ZNF30: variants seen among roughly 807,000 people sequenced by gnomAD.
ZNF30 encodes zinc finger protein 30.
Under a neutral mutation model 13.2 loss-of-function variants are expected in ZNF30, and 15 were observed. That is an observed-to-expected ratio of 1.13 (90% CI 0.76 to 1.75). The LOEUF (loss-of-function observed/expected upper bound fraction) is 1.75, where lower values mean the gene tolerates loss of function less well. Ranked by LOEUF, ZNF30 falls within the 40% of genes most tolerant of loss-of-function variation. ZNF30 has a pLI of 0.00. For missense variants in ZNF30, 726 were observed against 757.0 expected (o/e 0.96, Z 0.48); for synonymous variants, 223 against 256.6 (o/e 0.87, Z 1.25).
At chr19:34,939,143 TC>T (rs138607148) in intron 4 of ZNF30, among the ~76,000 whole-genome samples, 7,484 of 31,608 alleles carry the variant, frequency 0.24, 200 homozygotes, top group African/African-American at 0.28. Flanking sequence ...TCCCCTCCCC[TC>T]CCCTCCCCTC....
intron 4 of ZNF30, among the ~76,000 whole-genome samples, chr19:34,941,501 G>C (rs527680467): frequency 1.3e-5 from 2 of 152,334 alleles, no homozygotes; most frequent in Admixed American, 1.3e-4. Flanking sequence ...CTGACTTCAT[G>C]ATCTGCCCAC....
At chr19:34,928,256 G>GATATATATAT (rs1166347710) in intron 1 of ZNF30, among the ~76,000 whole-genome samples, 1 of 43,914 alleles carries the variant, frequency 2.3e-5, no homozygotes, top group Admixed American at 2.2e-4. Context: ...TATATATATA[G>GATATATATAT]ATAGATAGAT....
intron 4 of ZNF30, chr19:34,942,723 C>A: frequency 1.2e-6 from 1 of 855,434 alleles, no homozygotes; most frequent in Non-Finnish European, 1.7e-6. Context: ...GAAATTAGGT[C>A]AGTATGGGAC....
intron 4 of ZNF30, among the ~76,000 whole-genome samples, chr19:34,941,343 C>T (rs2013038005): frequency 6.6e-6 from 1 of 152,232 alleles, no homozygotes; most frequent in Admixed American, 6.5e-5. Flanking sequence ...TGGCTTACTG[C>T]AGCCTCTGCC....
intron 2 of ZNF30, among the ~76,000 whole-genome samples, chr19:34,930,868 A>G (rs1032664978): frequency 2.6e-5 from 4 of 152,056 alleles, no homozygotes; most frequent in Non-Finnish European, 2.9e-5. Context: ...GTCTCAAAAA[A>G]AAATTTAAAA....
intron 4 of ZNF30, chr19:34,942,666 A>T (rs1412009421): frequency 7.8e-7 from 1 of 1,288,194 alleles, no homozygotes; most frequent in Non-Finnish European, 1.0e-6. Flanking sequence ...TGCACATGGA[A>T]CCAAAAGGTG....
chr19:34,927,478 AT>A (rs1378291345), intron 1 of ZNF30, among the ~76,000 whole-genome samples: 2 of 152,246 alleles, frequency 1.3e-5, no homozygotes, highest in South Asian at 2.1e-4. Context: ...GCGGGAAGAA[AT>A]GGGATTGCCA....
intron 4 of ZNF30, chr19:34,942,551 C>A: frequency 9.6e-7 from 1 of 1,043,768 alleles, no homozygotes; most frequent in Non-Finnish European, 1.3e-6. Context: ...TAGCAGTTTA[C>A]CATATTCCTG....
In ZNF30 at chr19:34,940,052, T is replaced by TTC. The variant is rs2012955312; in HGVS notation, c.257-3171_257-3170insTC. ...TCTTTTGAAGGCCTTTAAGAAAGACTAAATGTCATGAAATACTAATTCTTA... is the reference window on the plus strand; with the variant it reads ...TCTTTTGAAGGCCTTTAAGAAAGACTTCAAATGTCATGAAATACTAATTCTTA... On this transcript the variant is annotated intron_variant, in intron 4 of 4. Transcript: ENST00000601142. Among the ~76,000 whole-genome samples, 3 of 152,248 alleles carry TTC rather than the reference T, an allele frequency of 2.0e-5. No individual in the cohort carries two copies. In the East Asian group the frequency reaches 5.8e-4, roughly 29 times the overall value.
At chr19:34,936,834 T>TGCA (rs1568540254) in intron 4 of ZNF30, among the ~76,000 whole-genome samples, 1 of 152,066 alleles carries the variant, frequency 6.6e-6, no homozygotes, top group East Asian at 1.9e-4. Context: ...AAGTCAAGGC[T>TGCA]GCAGTGAGCT....
At chr19:34,940,194 T>A (rs2012964208) in intron 4 of ZNF30, among the ~76,000 whole-genome samples, 1 of 152,196 alleles carries the variant, frequency 6.6e-6, no homozygotes, top group Admixed American at 6.5e-5. Context: ...CTCAGTTTTC[T>A]TTAACACAGA....
intron 4 of ZNF30, among the ~76,000 whole-genome samples, chr19:34,934,238 G>A (rs1335877285): frequency 6.6e-6 from 1 of 152,116 alleles, no homozygotes; most frequent in African/African-American, 2.4e-5. Flanking sequence ...AAAAGCTAGA[G>A]TGCTAGCAGG....
At chr19:34,935,982 CAG>C (rs1257471648) in intron 4 of ZNF30, among the ~76,000 whole-genome samples, 1 of 152,192 alleles carries the variant, frequency 6.6e-6, no homozygotes, top group Non-Finnish European at 1.5e-5. Flanking sequence ...GGCCAAGTGA[CAG>C]GGGTTTCCCC....
At chr19:34,928,254 TAGATAG>T (rs1392387694) in intron 1 of ZNF30, among the ~76,000 whole-genome samples, 594 of 48,848 alleles carry the variant, frequency 0.012, 4 homozygotes, top group Middle Eastern at 0.016. Context: ...TATATATATA[TAGATAG>T]ATAGATAGAT....
chr19:34,926,161 G>C (rs1238956917), upstream of ZNF30, among the ~76,000 whole-genome samples: 1 of 152,166 alleles, frequency 6.6e-6, no homozygotes, highest in East Asian at 1.9e-4. Context: ...GCGACAGAGG[G>C]AGACCCTGTC....
chr19:34,934,027 T>C (rs1216061559), intron 4 of ZNF30, among the ~76,000 whole-genome samples: 1 of 152,142 alleles, frequency 6.6e-6, no homozygotes, highest in Non-Finnish European at 1.5e-5. Context: ...CCTCCTCTTT[T>C]ACATTTGGAT....
chr19:34,925,899 G>A (rs1035573218), upstream of ZNF30, among the ~76,000 whole-genome samples: 2 of 152,066 alleles, frequency 1.3e-5, no homozygotes, highest in East Asian at 3.9e-4. Context: ...TCGGCTGGCC[G>A]CGGTGGCTCA....
chr19:34,938,039 A>G (rs6510453), intron 4 of ZNF30, among the ~76,000 whole-genome samples: 64,763 of 151,828 alleles, frequency 0.43, 15,455 homozygotes, highest in African/African-American at 0.66. Flanking sequence ...CAGGTGATCC[A>G]CCCACCTCGG....
intron 3 of ZNF30, 84 bp downstream of exon 3, chr19:34,932,077 T>A: frequency 8.2e-7 from 1 of 1,221,634 alleles, no homozygotes. Flanking sequence ...GCTTAAGAAC[T>A]GAACACGATT....
Sources: allele counts gnomAD v4.1 joint callset (sites outside exome capture counted in the v4.1 genomes callset), GRCh38; gene constraint gnomAD v4.1.1; transcripts MANE v1.5; gene names NCBI Gene and HGNC (gene_info 2026-07-23, HGNC 2026-07-21).